MPPED2: variants seen among roughly 807,000 people sequenced by gnomAD.
MPPED2 encodes the protein metallophosphoesterase domain containing 2, also known as metallophosphoesterase MPPED2.
Under a neutral mutation model 33.0 loss-of-function variants are expected in MPPED2, and 5 were observed. The ratio of observed to expected loss-of-function variants is 0.15; its 90% CI spans 0.08 to 0.32. The LOEUF is 0.32. Among genes scored for constraint, MPPED2 ranks in the 10% least tolerant of loss-of-function variants. MPPED2 has a pLI of 1.00. For synonymous variants in MPPED2, 136 were observed against 141.9 expected, an observed-to-expected ratio of 0.96 and a Z score of 0.29; for missense variants, 275 against 372.1, an observed-to-expected ratio of 0.74 and a Z score of 2.15.
chr11:30,504,476 G>A (rs1327055765), intron 3 of MPPED2, among the ~76,000 whole-genome samples: 1 of 152,094 alleles, frequency 6.6e-6, no homozygotes, highest in Admixed American at 6.6e-5. Context: ...GGTGGGGAGG[G>A]GGTTCTATAA....
intron 1 of MPPED2, among the ~76,000 whole-genome samples, chr11:30,581,961 T>C (rs1267082013): frequency 3.3e-5 from 5 of 152,172 alleles, no homozygotes; most frequent in Admixed American, 2.6e-4. Flanking sequence ...CGCCAGATGA[T>C]AGACAACCAG....
At position 30,417,574 on chromosome 11, in the gene MPPED2, T is replaced by C. The variant is rs769367947; in HGVS notation, c.596A>G (p.Lys199Arg). The change falls in exon 5 of 7, where the codon AAG becomes AGG. Residue 199 changes from lysine to arginine, a missense_variant. Transcript: ENST00000358117. ...AATGCCCTCAGGGATGAGGTTCCACTTGTCCAGCAGAGACTGACCTCTGGG... is the reference window on the plus strand; with the variant it reads ...AATGCCCTCAGGGATGAGGTTCCACCTGTCCAGCAGAGACTGACCTCTGGG... ...NLPRGQSLLD[K>R]WNLIPEGIDI... is the part of the protein sequence containing the mutation. 1 of 1,613,538 alleles carries C rather than the reference T, an allele frequency of 6.2e-7. No homozygotes were observed. Among genetic ancestry groups the C allele is most frequent in the Non-Finnish European group, 8.5e-7 (1 of 1,179,610 alleles).
downstream of MPPED2, among the ~76,000 whole-genome samples, chr11:30,405,375 C>T (rs1262875089): frequency 1.3e-5 from 2 of 152,120 alleles, no homozygotes; most frequent in African/African-American, 4.8e-5. Context: ...TCATAAAAAT[C>T]AAAGCTGATT....
exon 7 of MPPED2, chr11:30,388,828 C>T: frequency 6.7e-7 from 1 of 1,483,598 alleles, no homozygotes. Context: ...AGGATTGTAG[C>T]TCACACAATG....
downstream of MPPED2, among the ~76,000 whole-genome samples, chr11:30,406,070 G>A (rs1947985023): frequency 6.6e-6 from 1 of 152,214 alleles, no homozygotes; most frequent in South Asian, 2.1e-4. Flanking sequence ...GGTAGAAACT[G>A]AGCACCCATC....
intron 3 of MPPED2, among the ~76,000 whole-genome samples, chr11:30,525,724 C>G (rs1210626835): frequency 6.6e-6 from 1 of 152,154 alleles, no homozygotes; most frequent in African/African-American, 2.4e-5. Flanking sequence ...ATAATACTAT[C>G]TGCCCATATC....
At position 30,535,980 on chromosome 11, in the gene MPPED2, CAAT is replaced by C; in HGVS notation, c.310+11_310+13del. On this transcript the variant is annotated intron_variant, in intron 3 of 6. Coordinates refer to ENST00000358117, the MANE Select transcript of MPPED2 (RefSeq NM_001584.3). ...AAGGTTAATTGGGGCCGCCAGAACG[CAAT>C]CATTCCTTACCTAACCAGTCATTAA... The C allele has an allele frequency of 6.3e-7, 1 of 1,581,538 alleles. No homozygotes were observed. Among genetic ancestry groups the C allele is most frequent in the Non-Finnish European group, 8.6e-7 (1 of 1,165,674 alleles).
At chr11:30,423,615 C>A (rs544291816) in intron 4 of MPPED2, among the ~76,000 whole-genome samples, 17 of 152,286 alleles carry the variant, frequency 1.1e-4, no homozygotes, top group African/African-American at 4.1e-4. Context: ...GTCAAACAGA[C>A]CCAAGTTCAA....
exon 7 of MPPED2, chr11:30,386,836 C>T (rs1590144669): frequency 5.0e-6 from 2 of 398,476 alleles, no homozygotes; most frequent in Non-Finnish European, 8.8e-6. Context: ...CACATAATAG[C>T]AATAGCAAAA....
chr11:30,574,939 C>T (rs189853429), intron 2 of MPPED2, among the ~76,000 whole-genome samples: 161 of 152,228 alleles, frequency 1.1e-3, no homozygotes, highest in African/African-American at 3.5e-3. Context: ...GTTATTTATC[C>T]TTCCATACAC....
rs147276999 is a variant in MPPED2 at position 30,518,908 on chromosome 11, T to C, written c.310+17086A>G. Among the ~76,000 whole-genome samples, 57 of 152,322 alleles carry C rather than the reference T, an allele frequency of 3.7e-4. 1 individual carries two copies. The East Asian group carries it at 9.8e-3, about 26-fold the overall frequency. Reference sequence around the variant, plus strand: ...CATTTTTTGTTTCTATCTATTTTTATAGGCAAATTATTAGTTTACTCACTT... The same window carrying C: ...CATTTTTTGTTTCTATCTATTTTTACAGGCAAATTATTAGTTTACTCACTT... On this transcript the variant is annotated intron_variant, in intron 3 of 6. Coordinates refer to ENST00000358117, the MANE Select transcript of MPPED2 (RefSeq NM_001584.3).
At chr11:30,397,968 T>A (rs1170184834) in intron 6 of MPPED2, among the ~76,000 whole-genome samples, 1 of 152,106 alleles carries the variant, frequency 6.6e-6, no homozygotes, top group Admixed American at 6.6e-5. Context: ...TCTTGCAAGA[T>A]CTCTTAGCTT....
chr11:30,557,142 T>C (rs1163326387), intron 2 of MPPED2, among the ~76,000 whole-genome samples: 21 of 150,918 alleles, frequency 1.4e-4, no homozygotes, highest in Admixed American at 1.4e-3. Context: ...TTCAGTTTGT[T>C]TGTGTGCCTG....
chr11:30,574,089 G>A (rs1956819522), intron 2 of MPPED2, among the ~76,000 whole-genome samples: 1 of 152,112 alleles, frequency 6.6e-6, no homozygotes, highest in Admixed American at 6.6e-5. Context: ...ATTTAGTGTA[G>A]ACTGTTTATA....
intron 2 of MPPED2, among the ~76,000 whole-genome samples, chr11:30,542,573 C>A (rs563813760): frequency 3.3e-5 from 5 of 151,324 alleles, no homozygotes; most frequent in African/African-American, 1.2e-4. Context: ...AAGGCTGCAG[C>A]GAGCTGAGAT....
intron 4 of MPPED2, among the ~76,000 whole-genome samples, chr11:30,442,822 G>A (rs1313239786): frequency 6.6e-6 from 1 of 152,236 alleles, no homozygotes; most frequent in South Asian, 2.1e-4. Flanking sequence ...CCAAGCTGGG[G>A]AACATAAACA....
chr11:30,413,123 G>A (rs1326206687), intron 6 of MPPED2, among the ~76,000 whole-genome samples: 1 of 152,166 alleles, frequency 6.6e-6, no homozygotes, highest in Admixed American at 6.5e-5. Flanking sequence ...ACCTGCCCTT[G>A]GAGCAAACTG....
At chr11:30,585,975 G>C (rs1034099561) in intron 1 of MPPED2, 67 bp downstream of exon 1, 2 of 152,258 alleles carry the variant, frequency 1.3e-5, no homozygotes, top group Non-Finnish European at 2.9e-5. Flanking sequence ...TCTAGTGCTC[G>C]GCACCGGGCT....
At chr11:30,517,563 C>A (rs997430528) in intron 3 of MPPED2, among the ~76,000 whole-genome samples, 13 of 152,126 alleles carry the variant, frequency 8.5e-5, no homozygotes, top group Non-Finnish European at 7.3e-5. Context: ...CTATCCACGT[C>A]GAGAAGACGT....
Sources: gnomAD v4.1 joint callset for allele counts (sites outside exome capture counted in the v4.1 genomes callset) on GRCh38, gnomAD v4.1.1 for gene constraint, MANE v1.5 for transcripts, NCBI Gene and HGNC (gene_info 2026-07-23, HGNC 2026-07-21) for gene names.